TMEM80: variants seen among roughly 807,000 people sequenced by gnomAD.
TMEM80 encodes transmembrane protein 80.
A neutral mutation model predicts 13.6 loss-of-function variants in TMEM80; 16 were observed. The ratio of observed to expected loss-of-function variants is 1.17; its 90% CI spans 0.79 to 1.78. The LOEUF is 1.78. Ranked by LOEUF, TMEM80 falls within the 40% of genes most tolerant of loss-of-function variation. The pLI, the probability that TMEM80 is intolerant of heterozygous loss-of-function variation, is 0.00. For synonymous variants in TMEM80, 92 were observed against 89.5 expected, an observed-to-expected ratio of 1.03 and a Z score of -0.16; for missense variants, 167 against 184.6, an observed-to-expected ratio of 0.90 and a Z score of 0.55.
chr11:704,605 AC>A (rs1564965214), downstream of TMEM80: 2 of 427,042 alleles, frequency 4.7e-6, no homozygotes, highest in Admixed American at 5.3e-5. Flanking sequence ...CCAGGGAAGG[AC>A]CCCCTCCCTG....
rs775811299 is a variant in TMEM80 at position 703,883 on chromosome 11, G to A, written c.*733G>A. The A allele has an allele frequency of 6.0e-5, 74 of 1,238,878 alleles. No homozygotes were observed. The highest frequency in any genetic ancestry group is 7.0e-5 in the Non-Finnish European group (70 of 992,970). The allele number at this position is 1,238,878 out of a possible 1,614,324, so 76.7% of individuals were successfully genotyped here. Reference sequence around the variant, plus strand: ...GCGGAGGGCCACATTCGGAGCCTCCGTCCACTCCAGTTTTATCAGCTTTTG... The same window carrying A: ...GCGGAGGGCCACATTCGGAGCCTCCATCCACTCCAGTTTTATCAGCTTTTG... On this transcript the variant is annotated 3_prime_UTR_variant, in exon 5 of 5. Transcript: ENST00000397510.
downstream of TMEM80, chr11:704,725 G>C: frequency 8.7e-7 from 1 of 1,143,776 alleles, no homozygotes; most frequent in Non-Finnish European, 1.2e-6. Flanking sequence ...ATGGCTCCAG[G>C]TGACCCGGAG....
chr11:698,765 T>G, intron 1 of TMEM80, 104 bp from the exon 2 acceptor site: 1 of 1,373,580 alleles, frequency 7.3e-7, no homozygotes, highest in Non-Finnish European at 1.0e-6. Flanking sequence ...AAATACGAGA[T>G]CAAAGGAAAA....
At position 695,816 on chromosome 11, in the gene TMEM80, G is replaced by C; in HGVS notation, c.-12G>C. ...CCGGGATCGCGACGGACCGGCGGGC[G>C]GGGCGGGTAAGATGGCGGCCCCGCG... On this transcript the variant is annotated 5_prime_UTR_variant, in exon 1 of 5. Coordinates refer to ENST00000397510, the MANE Select transcript of TMEM80 (RefSeq NM_001042463.3). 8.1e-7 allele frequency: 1 copy of C among 1,232,290 alleles called. No individual in the cohort carries two copies. Among genetic ancestry groups the C allele is most frequent in the South Asian group, 3.9e-5 (1 of 25,412 alleles). 76.3% of individuals were successfully genotyped at this position (1,232,290 alleles called of 1,614,324 possible).
chr11:704,536 G>T (rs140750324), downstream of TMEM80: 16 of 1,289,398 alleles, frequency 1.2e-5, no homozygotes, highest in African/African-American at 1.5e-5. Context: ...GCCTGCACTC[G>T]CAGAAGACCA....
chr11:695,754 TG>T (rs1861103373), upstream of TMEM80: 2 of 1,237,968 alleles, frequency 1.6e-6, no homozygotes, highest in African/African-American at 3.1e-5. Context: ...GACGCGAAAA[TG>T]GCCGAAGGAG....
rs191827583 is a variant in TMEM80, at chr11:701,555, T to C, written c.226+848T>C. Among the ~76,000 whole-genome samples the C allele has an allele frequency of 8.8e-3, 1,330 of 151,758 alleles. 17 individuals carry two copies. Among genetic ancestry groups the C allele is most frequent in the African/African-American group, 0.03 (1,245 of 41,380 alleles). On this transcript the variant is annotated intron_variant, in intron 4 of 4. Coordinates refer to ENST00000397510, the MANE Select transcript of TMEM80 (RefSeq NM_001042463.3). ...CCTCCCGAGTAACTGGGACTACAGG[T>C]GCCCGCCACCACGCCCGGCTCATTT...
At chr11:700,292 T>C in intron 3 of TMEM80, 57 bp downstream of exon 3, 2 of 1,484,010 alleles carry the variant, frequency 1.3e-6, no homozygotes, top group South Asian at 1.1e-5. Flanking sequence ...TTTGGGAGGC[T>C]GAGGTGGGCG....
downstream of TMEM80, chr11:704,239 C>G: frequency 1.2e-6 from 1 of 843,712 alleles, no homozygotes; most frequent in South Asian, 1.7e-5. Context: ...CGCCCTCGGG[C>G]CCTGGCTGCC....
intron 1 of TMEM80, among the ~76,000 whole-genome samples, chr11:698,161 G>T (rs546333249): frequency 6.6e-6 from 1 of 152,342 alleles, no homozygotes; most frequent in South Asian, 2.1e-4. Context: ...CGTGCAACTG[G>T]CCTGAGCCCT....
intron 1 of TMEM80, 44 bp from the exon 2 acceptor site, chr11:698,825 C>T: frequency 6.2e-7 from 1 of 1,613,428 alleles, no homozygotes; most frequent in Non-Finnish European, 8.5e-7. Context: ...GGGAAAGCAT[C>T]CTGGTGGCTG....
intron 3 of TMEM80, 126 bp from the exon 4 acceptor site, chr11:700,489 T>C (rs1861400160): frequency 1.2e-6 from 1 of 840,408 alleles, no homozygotes; most frequent in South Asian, 1.4e-5. Context: ...ATTGCGCCAC[T>C]GAACTCCATC....
upstream of TMEM80, chr11:695,679 G>T: frequency 1.6e-6 from 2 of 1,243,354 alleles, no homozygotes. Context: ...CGGACTAATC[G>T]GGCCTCGGCC....
intron 1 of TMEM80, chr11:697,719 G>C (rs1393486340): frequency 6.6e-6 from 1 of 152,252 alleles, no homozygotes; most frequent in East Asian, 1.9e-4. Context: ...TTTAGCTAAG[G>C]CCTGGAAAAG....
upstream of TMEM80, chr11:695,812 G>T: frequency 3.2e-6 from 4 of 1,232,408 alleles, no homozygotes; most frequent in Non-Finnish European, 4.1e-6. Flanking sequence ...ACGGACCGGC[G>T]GGCGGGGCGG....
chr11:698,310 G>T lies in TMEM80; in HGVS notation c.20-559G>T, dbSNP rs574222774. On this transcript the variant is annotated intron_variant, in intron 1 of 4. Coordinates refer to ENST00000397510, the MANE Select transcript of TMEM80 (RefSeq NM_001042463.3). ...GGCTTCCTGTCATCTCTCAGGTGGGGGTGGGAGAAGGCCCAAGAGGTTGCA... is the reference window on the plus strand; with the variant it reads ...GGCTTCCTGTCATCTCTCAGGTGGGTGTGGGAGAAGGCCCAAGAGGTTGCA... Among the ~76,000 whole-genome samples the T allele has an allele frequency of 3.3e-5, 5 of 152,276 alleles. No homozygotes were observed. The East Asian group carries it at 9.6e-4, about 29-fold the overall frequency.
At chr11:697,018 G>C (rs571420298) in intron 1 of TMEM80, among the ~76,000 whole-genome samples, 11 of 151,652 alleles carry the variant, frequency 7.3e-5, no homozygotes, top group African/African-American at 1.4e-4. Context: ...GTGGTGGTGG[G>C]GGGGGTGGGG....
chr11:700,237 T>C lies in TMEM80; in HGVS notation c.133+2T>C, dbSNP rs946277694. The C allele has an allele frequency of 5.0e-6, 8 of 1,612,672 alleles. No individual in the cohort carries two copies. In the African/African-American group the frequency reaches 1.1e-4, roughly 22 times the overall value. ...CGCTCCTGATGATCACGTATAAAAG[T>C]AAGTCAGGGACGGGCACAGTGGCTC... On this transcript the variant is annotated splice_donor_variant, in intron 3 of 4. Transcript: ENST00000397510. LOFTEE classifies it high-confidence loss of function.
At chr11:700,087 C>T (rs1861374318) in intron 2 of TMEM80, 55 bp from the exon 3 acceptor site, 2 of 1,503,226 alleles carry the variant, frequency 1.3e-6, no homozygotes, top group East Asian at 4.5e-5. Flanking sequence ...TGTTCAGCCA[C>T]CTGGGAGGCT....
Sources: gnomAD v4.1 joint callset for allele counts (sites outside exome capture counted in the v4.1 genomes callset) on GRCh38, gnomAD v4.1.1 for gene constraint, MANE v1.5 for transcripts, NCBI Gene and HGNC (gene_info 2026-07-23, HGNC 2026-07-21) for gene names.